Variants in ALG9 observed in about 807,000 individuals in gnomAD.
ALG9 encodes the protein alpha-1,2-mannosyltransferase ALG9.
A neutral mutation model predicts 81.8 loss-of-function variants in ALG9; 55 were observed. The ratio of observed to expected loss-of-function variants is 0.67; its 90% CI spans 0.54 to 0.84. ALG9 has a LOEUF of 0.84. ALG9 is among the 40% of genes least tolerant of loss of function. ALG9 has a pLI of 0.00. For synonymous variants in ALG9, 278 were observed against 274.3 expected, an observed-to-expected ratio of 1.01 and a Z score of -0.13; for missense variants, 629 against 745.0, an observed-to-expected ratio of 0.84 and a Z score of 1.81.
At chr11:111,770,112 C>T in the ALG9 span, among the ~76,000 whole-genome samples, 1 of 152,138 alleles carries the variant, frequency 6.6e-6, no homozygotes, top group Non-Finnish European at 1.5e-5. Context: ...GTGATTAAAA[C>T]AGACTGCAGC....
At chr11:111,768,363 A>T in the ALG9 span, among the ~76,000 whole-genome samples, 3 of 152,220 alleles carry the variant, frequency 2.0e-5, no homozygotes, top group Non-Finnish European at 2.9e-5. Flanking sequence ...ATTTGTATTT[A>T]ATTTGTAAAT....
At chr11:111,842,187 G>T (rs1362457054) in intron 9 of ALG9, among the ~76,000 whole-genome samples, 2 of 152,182 alleles carry the variant, frequency 1.3e-5, no homozygotes, top group African/African-American at 4.8e-5. Flanking sequence ...GTGAGCCACT[G>T]TGCCTGGCCT....
At chr11:111,799,895 T>C (rs1948855971) in intron 14 of ALG9, among the ~76,000 whole-genome samples, 3 of 152,236 alleles carry the variant, frequency 2.0e-5, no homozygotes, top group South Asian at 4.1e-4. Context: ...TTTCCACTTT[T>C]ACTCATGATT....
intron 13 of ALG9, among the ~76,000 whole-genome samples, chr11:111,815,815 T>C (rs1029208744): frequency 1.3e-5 from 2 of 152,242 alleles, no homozygotes; most frequent in African/African-American, 4.8e-5. Flanking sequence ...TAAAAATAGC[T>C]GGAATATCAG....
intron 12 of ALG9, among the ~76,000 whole-genome samples, chr11:111,836,998 C>T (rs1955411972): frequency 6.6e-6 from 1 of 152,202 alleles, no homozygotes; most frequent in East Asian, 1.9e-4. Context: ...CCACAGAAAG[C>T]ATAAAGGAAA....
chr11:111,808,925 G>T (rs1950301580), intron 14 of ALG9, among the ~76,000 whole-genome samples: 1 of 152,104 alleles, frequency 6.6e-6, no homozygotes, highest in Non-Finnish European at 1.5e-5. Context: ...GGTCCATTTG[G>T]TCTCTCTATT....
chr11:111,800,663 T>TA (rs1351953771), intron 14 of ALG9, among the ~76,000 whole-genome samples: 1 of 152,134 alleles, frequency 6.6e-6, no homozygotes, highest in African/African-American at 2.4e-5. Context: ...ACTTTCCTCT[T>TA]ACAACACATA....
chr11:111,845,934 G>A (rs1179322889), intron 8 of ALG9, among the ~76,000 whole-genome samples: 9 of 152,184 alleles, frequency 5.9e-5, no homozygotes, highest in African/African-American at 1.4e-4. Context: ...TCAACTGTGC[G>A]TCACCTTTGG....
At chr11:111,787,687 T>C (rs1946682909) in intron 14 of ALG9, among the ~76,000 whole-genome samples, 1 of 151,918 alleles carries the variant, frequency 6.6e-6, no homozygotes, top group African/African-American at 2.4e-5. Context: ...CTTGATCTCC[T>C]GACCTCGTGA....
chr11:111,867,431 A>G (rs1241583525), intron 3 of ALG9, among the ~76,000 whole-genome samples: 1 of 152,246 alleles, frequency 6.6e-6, no homozygotes, highest in Non-Finnish European at 1.5e-5. Context: ...TTGTAAAAAT[A>G]TTTCAGTGAA....
intron 14 of ALG9, among the ~76,000 whole-genome samples, chr11:111,805,718 C>T (rs1048613253): frequency 2.6e-5 from 4 of 152,150 alleles, no homozygotes; most frequent in African/African-American, 7.2e-5. Context: ...TCACATGAAA[C>T]GGTAATGGGA....
intron 4 of ALG9, 99 bp downstream of exon 4, chr11:111,865,082 T>G: frequency 1.9e-6 from 2 of 1,042,204 alleles, no homozygotes; most frequent in Non-Finnish European, 1.3e-6. Flanking sequence ...CGGTCAAGAG[T>G]TTTCTATTTC....
At chr11:111,800,711 T>C (rs1336892726) in intron 14 of ALG9, among the ~76,000 whole-genome samples, 1 of 152,142 alleles carries the variant, frequency 6.6e-6, no homozygotes, top group African/African-American at 2.4e-5. Context: ...GTGTGGCTAT[T>C]TGTTTAAGGT....
At chr11:111,805,337 T>C in intron 14 of ALG9, 1 of 456,024 alleles carries the variant, frequency 2.2e-6, no homozygotes, top group Non-Finnish European at 4.4e-6. Flanking sequence ...AAACGTTTGT[T>C]GTTTAAGCCA....
Position 111,871,579 on chromosome 11 carries a change from G to A in ALG9, c.-97C>T. Reference sequence around the variant, plus strand: ...AAACGGTGTCCGCCGAGGGACAAAAGACCTTGACATGCGCAGAAAATACTA... The same window carrying A: ...AAACGGTGTCCGCCGAGGGACAAAAAACCTTGACATGCGCAGAAAATACTA... On this transcript the variant is annotated 5_prime_UTR_variant, in exon 1 of 15. Transcript: ENST00000616540. 1 of 1,531,302 alleles carries A rather than the reference G, an allele frequency of 6.5e-7. No homozygotes were observed. The highest frequency in any genetic ancestry group is 2.0e-5 in the Admixed American group (1 of 50,828). The allele number at this position is 1,531,302 out of a possible 1,614,324, so 94.9% of individuals were successfully genotyped here.
At chr11:111,841,037 A>G (rs1956140498) in intron 9 of ALG9, among the ~76,000 whole-genome samples, 3 of 152,180 alleles carry the variant, frequency 2.0e-5, no homozygotes, top group African/African-American at 7.2e-5. Context: ...CAAGCACAAT[A>G]CTAGATTTGG....
In ALG9 at chr11:111,870,245, T is replaced by TTGAA. The variant is rs1555157050; in HGVS notation, c.253_256dup (p.Asn86IlefsTer50). 1 of 1,607,722 alleles carries TTGAA rather than the reference T, an allele frequency of 6.2e-7. No homozygotes were observed. The highest frequency in any genetic ancestry group is 8.5e-7 in the Non-Finnish European group (1 of 1,178,274). ...GAAATCACCTACTGGCTCCCAGTAG[T>TTGAA]TGAATGTTTCATCACAGTCAGAGAT... On this transcript the variant is annotated frameshift_variant, in exon 2 of 15. Transcript: ENST00000616540. LOFTEE classifies it high-confidence loss of function.
At chr11:111,823,709 T>C (rs569044078) in intron 13 of ALG9, among the ~76,000 whole-genome samples, 1 of 152,330 alleles carries the variant, frequency 6.6e-6, no homozygotes, top group South Asian at 2.1e-4. Context: ...AAAGGTCACA[T>C]GTCTTATCTA....
intron 13 of ALG9, among the ~76,000 whole-genome samples, chr11:111,824,041 A>C (rs1025983739): frequency 6.6e-6 from 1 of 152,254 alleles, no homozygotes; most frequent in African/African-American, 2.4e-5. Context: ...TCTCAACAAC[A>C]TATCTCAAAA....
Sources: gnomAD v4.1 joint callset for allele counts (sites outside exome capture counted in the v4.1 genomes callset) on GRCh38, gnomAD v4.1.1 for gene constraint, MANE v1.5 for transcripts, NCBI Gene and HGNC (gene_info 2026-07-23, HGNC 2026-07-21) for gene names.